WDPCP: variants seen among roughly 807,000 people sequenced by gnomAD.
WDPCP encodes WD repeat-containing and planar cell polarity effector protein fritz homolog.
Under a neutral mutation model 93.1 loss-of-function variants are expected in WDPCP, and 71 were observed. The ratio of observed to expected loss-of-function variants is 0.76; its 90% CI spans 0.63 to 0.93. WDPCP has a LOEUF of 0.93. Among genes scored for constraint, WDPCP ranks in the 40% least tolerant of loss-of-function variants. The pLI is 0.00. For missense variants in WDPCP, 844 were observed against 887.4 expected, an observed-to-expected ratio of 0.95 and a Z score of 0.62; for synonymous variants, 315 against 315.0, an observed-to-expected ratio of 1.00 and a Z score of 0.00.
At chr2:63,828,566 C>T (rs1246834811), upstream of WDPCP, among the ~76,000 whole-genome samples, 4 of 152,012 alleles carry the variant, frequency 2.6e-5, no homozygotes, top group African/African-American at 9.7e-5. Flanking sequence ...AATAACCTCT[C>T]CTCTATGCTT....
chr2:63,229,693 C>T (rs986323244), intron 14 of WDPCP: 4 of 151,880 alleles, frequency 2.6e-5, no homozygotes, highest in East Asian at 1.9e-4. Context: ...AATAGGGAAT[C>T]CTTTCCCCAT....
intron 14 of WDPCP, among the ~76,000 whole-genome samples, chr2:63,251,934 T>C (rs964089834): frequency 6.6e-6 from 1 of 151,852 alleles, no homozygotes; most frequent in African/African-American, 2.4e-5. Flanking sequence ...TAACTCATTC[T>C]ATGAAGCCAG....
chr2:63,280,572 C>T (rs1336920826), intron 13 of WDPCP, among the ~76,000 whole-genome samples: 1 of 152,134 alleles, frequency 6.6e-6, no homozygotes, highest in Non-Finnish European at 1.5e-5. Context: ...TACCCAACTT[C>T]AAACCATACC....
At chr2:63,406,571 G>T (rs1056063989) in intron 9 of WDPCP, among the ~76,000 whole-genome samples, 1 of 152,094 alleles carries the variant, frequency 6.6e-6, no homozygotes, top group Admixed American at 6.6e-5. Flanking sequence ...AAAGCTTAAC[G>T]ATTTTATGTA....
chr2:63,467,144 CA>C (rs1558673055), intron 6 of WDPCP, among the ~76,000 whole-genome samples: 1 of 152,084 alleles, frequency 6.6e-6, no homozygotes, highest in Admixed American at 6.6e-5. Context: ...TTGAAGTAGT[CA>C]AGATACAATG....
intron 2 of WDPCP, among the ~76,000 whole-genome samples, chr2:63,770,334 A>G (rs1334590830): frequency 9.9e-5 from 15 of 151,984 alleles, no homozygotes; most frequent in Admixed American, 8.5e-4. Context: ...AAATATTTGT[A>G]TCCTTAAATG....
intron 10 of WDPCP, among the ~76,000 whole-genome samples, chr2:63,398,902 A>T (rs1244320140): frequency 6.6e-6 from 1 of 152,204 alleles, no homozygotes; most frequent in Non-Finnish European, 1.5e-5. Context: ...AAATTCAAGA[A>T]GTATATTAAT....
chr2:63,316,125 G>A (rs1418103870), intron 12 of WDPCP, among the ~76,000 whole-genome samples: 1 of 151,916 alleles, frequency 6.6e-6, no homozygotes, highest in African/African-American at 2.4e-5. Flanking sequence ...TATAAGTCAG[G>A]AATTACACAG....
rs555199833 is a variant in WDPCP, at chr2:63,279,100, A to G, written c.1813-19691T>C. Among the ~76,000 whole-genome samples, 14 of 152,328 alleles carry G rather than the reference A, an allele frequency of 9.2e-5. No homozygotes were observed. The South Asian group carries it at 2.9e-3, about 32-fold the overall frequency. On this transcript the variant is annotated intron_variant, in intron 13 of 17. Transcript: ENST00000272321. The stretch of plus-strand genomic sequence containing the variant: ...TCCTACTGACACTATTGCAGAGGAT[A>G]GGGAAAGAGGGAATCCTCCCTAAAT...
Position 63,210,458 on chromosome 2 carries a change from A to C in WDPCP, c.1916-35626T>G, listed in dbSNP as rs147313425. 5.2e-3 allele frequency among the ~76,000 whole-genome samples: 787 copies of C among 152,336 alleles called. 4 individuals carry two copies. The highest frequency in any genetic ancestry group is 7.8e-3 in the Non-Finnish European group (530 of 68,024). ...TACACACATTTAAAACTCATTTAAA[A>C]TAGTTAATGTAGGGGGAAGTTCCAA... On this transcript the variant is annotated intron_variant, in intron 14 of 17. Transcript: ENST00000272321.
chr2:63,811,642 G>A (rs568622013), intron 2 of WDPCP, among the ~76,000 whole-genome samples: 116 of 149,086 alleles, frequency 7.8e-4, no homozygotes, highest in Middle Eastern at 3.4e-3. Flanking sequence ...GGGAGTACAT[G>A]TGCAGGTATG....
At chr2:63,576,990 C>T (rs528214647) in intron 1 of WDPCP, among the ~76,000 whole-genome samples, 2 of 152,222 alleles carry the variant, frequency 1.3e-5, no homozygotes, top group South Asian at 2.1e-4. Flanking sequence ...GGTAGTTCCA[C>T]GATGCAGTTT....
At chr2:63,832,441 A>G (rs1336855799), upstream of WDPCP, among the ~76,000 whole-genome samples, 1 of 151,974 alleles carries the variant, frequency 6.6e-6, no homozygotes, top group African/African-American at 2.4e-5. Context: ...GGGGGGGGAA[A>G]TTCCACCTCC....
chr2:63,291,929 C>T (rs1426869146), intron 13 of WDPCP, among the ~76,000 whole-genome samples: 5 of 151,430 alleles, frequency 3.3e-5, no homozygotes, highest in Admixed American at 1.3e-4. Context: ...GTCAGGAGAT[C>T]GAGACCATTC....
At chr2:63,754,623 T>C (rs1242778822) in intron 2 of WDPCP, among the ~76,000 whole-genome samples, 1 of 152,206 alleles carries the variant, frequency 6.6e-6, no homozygotes, top group Non-Finnish European at 1.5e-5. Context: ...CTAAAGTTTA[T>C]TTCTCTCTCA....
At chr2:63,626,297 A>G (rs1187323711) in intron 3 of WDPCP, among the ~76,000 whole-genome samples, 3 of 152,236 alleles carry the variant, frequency 2.0e-5, no homozygotes, top group South Asian at 4.1e-4. Context: ...TCATGACCAA[A>G]ATACCAAAAG....
At chr2:63,139,866 C>A (rs564136314) in intron 17 of WDPCP, among the ~76,000 whole-genome samples, 5 of 152,240 alleles carry the variant, frequency 3.3e-5, no homozygotes, top group African/African-American at 1.2e-4. Context: ...CTTTTGGGTT[C>A]TTGGTAATGA....
At chr2:63,254,158 T>C (rs1443009312) in intron 14 of WDPCP, among the ~76,000 whole-genome samples, 1 of 152,070 alleles carries the variant, frequency 6.6e-6, no homozygotes, top group African/African-American at 2.4e-5. Flanking sequence ...CATATTCTCA[T>C]ATGTAAGTGG....
chr2:63,214,726 A>T lies in WDPCP; in HGVS notation c.1916-39894T>A, dbSNP rs553043564. ...CATGATTGTATATTTAGAAAACCCCATCATCTCAGCCGAATATCTCCTTAA... is the reference window on the plus strand; with the variant it reads ...CATGATTGTATATTTAGAAAACCCCTTCATCTCAGCCGAATATCTCCTTAA... On this transcript the variant is annotated intron_variant, in intron 14 of 17. Transcript: ENST00000272321. Among the ~76,000 whole-genome samples the T allele has an allele frequency of 8.5e-5, 13 of 152,330 alleles. No individual in the cohort carries two copies. In the South Asian group the frequency reaches 2.7e-3, roughly 32 times the overall value.
Sources: allele counts gnomAD v4.1 joint callset (sites outside exome capture counted in the v4.1 genomes callset), GRCh38; gene constraint gnomAD v4.1.1; transcripts MANE v1.5; gene names NCBI Gene and HGNC (gene_info 2026-07-23, HGNC 2026-07-21).